The following ARHGAP31 variants were observed in gnomAD, a reference collection of about 807,000 sequenced individuals.
ARHGAP31 encodes the protein rho GTPase-activating protein 31.
A neutral mutation model predicts 113.9 loss-of-function variants in ARHGAP31; 34 were observed. That is an observed-to-expected ratio of 0.30 (90% CI 0.23 to 0.40). The LOEUF (loss-of-function observed/expected upper bound fraction) is 0.40, where lower values mean the gene tolerates loss of function less well. Ranked by LOEUF, ARHGAP31 falls within the 10% of genes least tolerant of loss-of-function variation. The pLI is 1.00. For missense variants in ARHGAP31, 1,548 were observed against 1,767.1 expected (o/e 0.88, Z 2.22); for synonymous variants, 650 against 684.8 (o/e 0.95, Z 0.79).
intron 1 of ARHGAP31, among the ~76,000 whole-genome samples, chr3:119,344,494 A>C (rs1027690245): frequency 6.6e-6 from 1 of 152,196 alleles, no homozygotes; most frequent in Non-Finnish European, 1.5e-5. Context: ...CCCTCACTTA[A>C]GGACCCACTC....
chr3:119,411,102 A>C (rs1320129913), intron 11 of ARHGAP31, among the ~76,000 whole-genome samples: 1 of 152,206 alleles, frequency 6.6e-6, no homozygotes, highest in Non-Finnish European at 1.5e-5. Flanking sequence ...ATTCCCATTC[A>C]AGGAATGGGA....
At position 119,294,956 on chromosome 3, in the gene ARHGAP31, G is replaced by A. The variant is rs1447365132; in HGVS notation, c.52G>A (p.Ala18Thr). 6.2e-7 allele frequency: 1 copy of A among 1,614,104 alleles called. No homozygotes were observed. Residue 18 changes from alanine to threonine, a missense_variant, in exon 1 of 12, where the codon GCG (alanine) becomes ACG (threonine). Ala to Thr is a moderately conservative substitution (Grantham distance 58, BLOSUM62 0). Coordinates refer to ENST00000264245, the MANE Select transcript of ARHGAP31 (RefSeq NM_020754.4). ...GCTGAAACGAAAGGGAGCCGCCAGC[G>A]CGTTTGGCTGTGACCTGACGGAGTA... The part of the protein sequence containing the change: ...QKLKRKGAAS[A>T]FGCDLTEYLE...
intron 6 of ARHGAP31, among the ~76,000 whole-genome samples, chr3:119,385,142 G>C (rs1231715246): frequency 6.6e-6 from 1 of 151,924 alleles, no homozygotes; most frequent in African/African-American, 2.4e-5. Flanking sequence ...TGTCCAGGCT[G>C]GTCTCAAACT....
intron 1 of ARHGAP31, among the ~76,000 whole-genome samples, chr3:119,340,332 A>G (rs142583685): frequency 2.0e-5 from 3 of 152,354 alleles, no homozygotes; most frequent in East Asian, 3.9e-4. Context: ...GCTGATGCCA[A>G]TGGCTGTCTC....
rs567641104 is a variant in ARHGAP31, at chr3:119,327,719, T to C, written c.100+32715T>C. 2.0e-5 allele frequency among the ~76,000 whole-genome samples: 3 copies of C among 152,342 alleles called. No homozygotes were observed. In the South Asian group the frequency reaches 6.2e-4, roughly 32 times the overall value. ...TTTATCTTATTTACTCTCTGTCCCCTCCATTAAAAAGCAGGTCCACAGGAG... is the reference window on the plus strand; with the variant it reads ...TTTATCTTATTTACTCTCTGTCCCCCCCATTAAAAAGCAGGTCCACAGGAG... On this transcript the variant is annotated intron_variant, in intron 1 of 11. Transcript: ENST00000264245.
chr3:119,399,418 T>A (rs2080580690), intron 9 of ARHGAP31, among the ~76,000 whole-genome samples, 157 bp downstream of exon 9: 1 of 152,108 alleles, frequency 6.6e-6, no homozygotes. Flanking sequence ...ACTCAAGGGG[T>A]TCACATAGCC....
rs1297634304 is a variant in ARHGAP31 at position 119,415,404 on chromosome 3, T to TCCCAGGACC, written c.3485_3493dup (p.Pro1162_Asp1164dup). 2 of 1,613,996 alleles carry TCCCAGGACC rather than the reference T, an allele frequency of 1.2e-6. No homozygotes were observed. The highest frequency in any genetic ancestry group is 1.7e-6 in the Non-Finnish European group (2 of 1,180,000). On this transcript the variant is annotated inframe_insertion, in exon 12 of 12. Coordinates refer to ENST00000264245, the MANE Select transcript of ARHGAP31 (RefSeq NM_020754.4). ...TAAAGCAGACCCCTGGAGGGTTTAC[T>TCCCAGGACC]CCCAGGACCCCCAGGACCTGGACAT...
rs79225620 is a variant in ARHGAP31, at chr3:119,380,791, C to T, written c.349-113C>T. 42,984 of 867,098 alleles carry T rather than the reference C, an allele frequency of 0.05. 2,083 individuals carry two copies. Among genetic ancestry groups the T allele is most frequent in the Admixed American group, 0.2 (10,908 of 53,574 alleles). 53.7% of individuals were successfully genotyped at this position (867,098 alleles called of 1,614,324 possible). ...AAAGCATGCCTCTTGGAAGGATGAT[C>T]TCTAGGCATGGTTGTGAGGCTGGAG... is the stretch of plus-strand genomic sequence containing the variant. On this transcript the variant is annotated intron_variant, in intron 3 of 11. Transcript: ENST00000264245.
intron 9 of ARHGAP31, among the ~76,000 whole-genome samples, chr3:119,399,576 A>C (rs962272391): frequency 1.3e-5 from 2 of 152,268 alleles, no homozygotes; most frequent in Admixed American, 6.5e-5. Flanking sequence ...CTAAGGCAGA[A>C]GAGTCTTCCC....
chr3:119,408,288 C>G (rs2080683794), intron 10 of ARHGAP31, among the ~76,000 whole-genome samples: 1 of 152,142 alleles, frequency 6.6e-6, no homozygotes, highest in South Asian at 2.1e-4. Context: ...AAAGATAAAA[C>G]TGAATTTCAG....
At chr3:119,311,349 T>C (rs755424184) in intron 1 of ARHGAP31, among the ~76,000 whole-genome samples, 93 of 152,304 alleles carry the variant, frequency 6.1e-4, no homozygotes, top group Admixed American at 9.1e-4. Context: ...CCTTGACTCA[T>C]GTCACCTTTG....
chr3:119,353,810 G>T (rs970487825), intron 1 of ARHGAP31, among the ~76,000 whole-genome samples: 1 of 135,908 alleles, frequency 7.4e-6, no homozygotes, highest in Non-Finnish European at 1.6e-5. Context: ...AAAAAAAAAA[G>T]TGTGTAGCTC....
intron 7 of ARHGAP31, among the ~76,000 whole-genome samples, chr3:119,391,255 C>T (rs905896085): frequency 6.6e-6 from 1 of 152,164 alleles, no homozygotes; most frequent in Non-Finnish European, 1.5e-5. Flanking sequence ...ATAGGGGTCA[C>T]ATCACAAGTC....
intron 1 of ARHGAP31, among the ~76,000 whole-genome samples, chr3:119,302,513 CTTG>C (rs1281451982): frequency 1.3e-5 from 2 of 152,094 alleles, no homozygotes; most frequent in African/African-American, 4.8e-5. Context: ...CACATCAGGC[CTTG>C]TTGTTATTTT....
intron 1 of ARHGAP31, among the ~76,000 whole-genome samples, chr3:119,326,019 G>A (rs1408499373): frequency 2.6e-5 from 4 of 151,940 alleles, no homozygotes; most frequent in Non-Finnish European, 4.4e-5. Context: ...GGTGAAACCC[G>A]GTCTCTACTA....
At chr3:119,330,065 A>T in intron 1 of ARHGAP31, 2 of 943,462 alleles carry the variant, frequency 2.1e-6, no homozygotes, top group South Asian at 4.9e-5. Flanking sequence ...ATTTCCATTC[A>T]ATCGTCTGAT....
intron 1 of ARHGAP31, among the ~76,000 whole-genome samples, chr3:119,362,146 G>A (rs1238886947): frequency 6.6e-6 from 1 of 152,224 alleles, no homozygotes; most frequent in Non-Finnish European, 1.5e-5. Flanking sequence ...ACCCTGTACT[G>A]CCCCTTTTGT....
At position 119,388,395 on chromosome 3, in the gene ARHGAP31, G is replaced by A. The variant is rs895235672; in HGVS notation, c.683-2390G>A. ...CCAGTGGGCAAACAGGAAAGGGGAA[G>A]CAGATGAAATATCCTTTTAGGTCAT... On this transcript the variant is annotated intron_variant, in intron 6 of 11. Transcript: ENST00000264245. 6.6e-5 allele frequency among the ~76,000 whole-genome samples: 10 copies of A among 151,346 alleles called. No homozygotes were observed. The East Asian group carries it at 2.0e-3, about 30-fold the overall frequency.
At chr3:119,342,091 A>G (rs1336867922) in intron 1 of ARHGAP31, among the ~76,000 whole-genome samples, 1 of 152,118 alleles carries the variant, frequency 6.6e-6, no homozygotes, top group Non-Finnish European at 1.5e-5. Flanking sequence ...GTTCATATTC[A>G]TGGCCATATT....
Sources: gnomAD v4.1 joint callset for allele counts (sites outside exome capture counted in the v4.1 genomes callset) on GRCh38, gnomAD v4.1.1 for gene constraint, MANE v1.5 for transcripts, NCBI Gene and HGNC (gene_info 2026-07-23, HGNC 2026-07-21) for gene names.